Variants in MYBL1 observed in about 807,000 individuals in gnomAD.
MYBL1 encodes the protein MYB proto-oncogene like 1.
In MYBL1, 17 loss-of-function variants were observed where a neutral mutation model predicts 96.3. That is an observed-to-expected ratio of 0.18 (90% CI 0.12 to 0.26). The LOEUF (loss-of-function observed/expected upper bound fraction) is 0.26. MYBL1 is among the 10% of genes least tolerant of loss of function. The pLI is 1.00. For synonymous variants in MYBL1, 282 were observed against 292.7 expected (o/e 0.96, Z 0.37); for missense variants, 701 against 882.9 (o/e 0.79, Z 2.61).
chr8:66,604,786 G>T (rs1209428714), intron 1 of MYBL1, among the ~76,000 whole-genome samples: 1 of 152,178 alleles, frequency 6.6e-6, no homozygotes, highest in Non-Finnish European at 1.5e-5. Context: ...ACTGATAGAT[G>T]AGGGACATGG....
chr8:66,602,646 G>T, intron 1 of MYBL1, 123 bp from the exon 2 acceptor site: 1 of 323,116 alleles, frequency 3.1e-6, no homozygotes, highest in Non-Finnish European at 5.1e-6. Flanking sequence ...TATTCACAAT[G>T]AAATTATTCA....
chr8:66,585,363 A>AC (rs1339551887), intron 8 of MYBL1, among the ~76,000 whole-genome samples: 3 of 152,172 alleles, frequency 2.0e-5, no homozygotes, highest in African/African-American at 7.2e-5. Flanking sequence ...TATTAAAAAA[A>AC]CCTCCTTTTT....
At chr8:66,607,699 C>CAA (rs542129633) in intron 1 of MYBL1, among the ~76,000 whole-genome samples, 170 of 117,848 alleles carry the variant, frequency 1.4e-3, no homozygotes, top group African/African-American at 4.4e-3. Context: ...TTTCAAAACC[C>CAA]AAAAAAAAAA....
intron 1 of MYBL1, among the ~76,000 whole-genome samples, chr8:66,608,273 T>C (rs1300524690): frequency 1.3e-5 from 2 of 152,178 alleles, no homozygotes; most frequent in African/African-American, 2.4e-5. Flanking sequence ...CATTTCAGCA[T>C]GGTCATCAGT....
At chr8:66,572,331 A>AC in intron 12 of MYBL1, 151 bp downstream of exon 12, 1 of 412,888 alleles carries the variant, frequency 2.4e-6, no homozygotes, top group South Asian at 4.2e-5. Context: ...AAAAAAAAAC[A>AC]AAAAAAAAAC....
intron 4 of MYBL1, among the ~76,000 whole-genome samples, chr8:66,598,582 A>C (rs1288288464): frequency 6.6e-6 from 1 of 152,222 alleles, no homozygotes; most frequent in South Asian, 2.1e-4. Flanking sequence ...TTGGTTTTTA[A>C]ATCACAAAAC....
At chr8:66,596,522 C>A (rs1015505722) in intron 5 of MYBL1, among the ~76,000 whole-genome samples, 32 of 152,016 alleles carry the variant, frequency 2.1e-4, no homozygotes, top group African/African-American at 7.5e-4. Flanking sequence ...AGCATCTAGA[C>A]CTGGTTTAAT....
Position 66,613,131 on chromosome 8 carries a change from CG to C in MYBL1, c.-294del. On this transcript the variant is annotated 5_prime_UTR_variant, in exon 1 of 16. Coordinates refer to ENST00000522677, the MANE Select transcript of MYBL1 (RefSeq NM_001080416.4). ...CCCGCCCTCCGCCGGCTTCTCCCGC[CG>C]CTTGTCAGCCTCCCTGCCCTGGCCC... 1 of 402,632 alleles carries C rather than the reference CG, an allele frequency of 2.5e-6. No individual in the cohort carries two copies. The highest frequency in any genetic ancestry group is 3.6e-5 in the East Asian group (1 of 28,100). 24.9% of individuals were successfully genotyped at this position (402,632 alleles called of 1,614,324 possible). A position where few individuals can be genotyped will look rare whatever the true frequency, so the allele number is the denominator to read the frequency against.
At chr8:66,570,603 C>T (rs1392742791) in intron 12 of MYBL1, among the ~76,000 whole-genome samples, 1 of 152,158 alleles carries the variant, frequency 6.6e-6, no homozygotes, top group African/African-American at 2.4e-5. Flanking sequence ...CATACTTGAC[C>T]TTTTCAACAT....
At chr8:66,570,962 C>T (rs1808705326) in intron 12 of MYBL1, among the ~76,000 whole-genome samples, 1 of 152,112 alleles carries the variant, frequency 6.6e-6, no homozygotes, top group African/African-American at 2.4e-5. Flanking sequence ...ATCAACCCTA[C>T]TACGTACCCT....
chr8:66,606,438 CA>C (rs1487600737), intron 1 of MYBL1, among the ~76,000 whole-genome samples: 1 of 152,146 alleles, frequency 6.6e-6, no homozygotes, highest in Non-Finnish European at 1.5e-5. Context: ...TTTCACAGAG[CA>C]AAATTTGAAG....
chr8:66,566,316 T>C, intron 14 of MYBL1, 73 bp from the exon 15 acceptor site: 2 of 871,898 alleles, frequency 2.3e-6, no homozygotes, highest in East Asian at 3.0e-5. Flanking sequence ...ACTGAGTAAG[T>C]GGTAATGGAA....
chr8:66,596,738 T>C (rs1809864643), intron 5 of MYBL1, among the ~76,000 whole-genome samples: 1 of 152,168 alleles, frequency 6.6e-6, no homozygotes, highest in Non-Finnish European at 1.5e-5. Context: ...ACAAGGTTGT[T>C]GGTCTGCTGT....
At chr8:66,585,216 A>C (rs1170898948) in intron 8 of MYBL1, among the ~76,000 whole-genome samples, 1 of 152,144 alleles carries the variant, frequency 6.6e-6, no homozygotes, top group African/African-American at 2.4e-5. Flanking sequence ...CCCAGAAATA[A>C]ATCCACGCAT....
intron 9 of MYBL1, among the ~76,000 whole-genome samples, chr8:66,576,873 T>C (rs1187482142): frequency 6.6e-6 from 1 of 152,198 alleles, no homozygotes; most frequent in Non-Finnish European, 1.5e-5. Flanking sequence ...ACTAAGCTTA[T>C]CCACCATGAT....
intron 12 of MYBL1, among the ~76,000 whole-genome samples, chr8:66,572,217 G>A (rs1478674217): frequency 6.6e-6 from 1 of 151,726 alleles, no homozygotes; most frequent in Non-Finnish European, 1.5e-5. Flanking sequence ...CTACTAAGGA[G>A]GCTGAGGCAT....
In MYBL1 at chr8:66,575,407, A is replaced by G. The variant is rs151331684; in HGVS notation, c.1470+600T>C. Among the ~76,000 whole-genome samples the G allele has an allele frequency of 9.8e-5, 15 of 152,302 alleles. 1 individual carries two copies. In the East Asian group the frequency reaches 2.9e-3, roughly 29 times the overall value. Reference sequence around the variant, plus strand: ...GCATTAGATAACTTTGGGCAAATCAATGTTACCTTTCCGGGCTTGTTTTCT... The same window carrying G: ...GCATTAGATAACTTTGGGCAAATCAGTGTTACCTTTCCGGGCTTGTTTTCT... On this transcript the variant is annotated intron_variant, in intron 10 of 15. Transcript: ENST00000522677.
intron 8 of MYBL1, among the ~76,000 whole-genome samples, chr8:66,587,382 CT>C (rs983737883): frequency 4.6e-5 from 7 of 151,554 alleles, no homozygotes; most frequent in Non-Finnish European, 8.8e-5. Context: ...AAAAAAAACC[CT>C]TGTGCCTTAT....
chr8:66,563,328 C>A lies in MYBL1; in HGVS notation c.*1369G>T, dbSNP rs1019315156. The A allele has an allele frequency of 6.6e-6, 1 of 152,368 alleles. No homozygotes were observed. The highest frequency in any genetic ancestry group is 2.4e-5 in the African/African-American group (1 of 41,376). The allele number at this position is 152,368 out of a possible 1,614,324, so 9.4% of individuals were successfully genotyped here. On this transcript the variant is annotated 3_prime_UTR_variant, in exon 16 of 16. Transcript: ENST00000522677. ...ATAATTCAAACTACAGTGTACAATT[C>A]TATTTACCTGTCAGTGTTTAAGTTG...
Sources: gnomAD v4.1 joint callset for allele counts (sites outside exome capture counted in the v4.1 genomes callset) on GRCh38, gnomAD v4.1.1 for gene constraint, MANE v1.5 for transcripts, NCBI Gene and HGNC (gene_info 2026-07-23, HGNC 2026-07-21) for gene names.